The following CABP1 variants were observed in gnomAD, a reference collection of about 807,000 sequenced individuals.
CABP1 encodes calcium binding protein 1, also known as calcium-binding protein 1.
CABP1 carries 17 observed loss-of-function variants against 34.3 expected under a neutral mutation model. That is an observed-to-expected ratio of 0.50 (90% CI 0.34 to 0.74). CABP1 has a LOEUF of 0.74. Ranked by LOEUF, CABP1 falls within the 30% of genes least tolerant of loss-of-function variation. CABP1 has a pLI of 0.01. For synonymous variants in CABP1, 198 were observed against 229.2 expected (o/e 0.86, Z 1.23); for missense variants, 373 against 511.1 (o/e 0.73, Z 2.61).
intron 1 of CABP1, among the ~76,000 whole-genome samples, chr12:120,654,626 G>A (rs1252502250): frequency 6.6e-6 from 1 of 152,038 alleles, no homozygotes; most frequent in East Asian, 1.9e-4. Flanking sequence ...TTGAAGGAAG[G>A]TATGTAAGCT....
chr12:120,656,413 A>G, intron 1 of CABP1: 1 of 684,118 alleles, frequency 1.5e-6, no homozygotes, highest in Non-Finnish European at 2.3e-6. Flanking sequence ...TCATGGCTAC[A>G]AAGTGCTGGT....
At chr12:120,656,326 G>A (rs1880213585) in intron 1 of CABP1, 2 of 1,456,246 alleles carry the variant, frequency 1.4e-6, no homozygotes, top group South Asian at 2.8e-5. Flanking sequence ...AGGGCGTGAG[G>A]AGGTGCTGGG....
Position 120,640,721 on chromosome 12 carries a change from G to T in CABP1, c.36G>T (p.Pro12=). ...GCGACGGGGCCGCATTTAAGCGGCCGGGGGACGGCGCCCGCCTCCAGCGCG... is the reference window on the plus strand; with the variant it reads ...GCGACGGGGCCGCATTTAAGCGGCCTGGGGACGGCGCCCGCCTCCAGCGCG... The part of the protein sequence containing the change: ...GGGDGAAFKR[P]GDGARLQRVL... The change falls in exon 1 of 6, where the codon CCG becomes CCT. Residue 12 remains proline (P), a synonymous_variant. Transcript: ENST00000316803. This position sits in a 1 kb window ranked among gnomAD's most constrained non-coding sequence, Gnocchi z 6.2. 1 of 1,185,754 alleles carries T rather than the reference G, an allele frequency of 8.4e-7. No individual in the cohort carries two copies. Among genetic ancestry groups the T allele is most frequent in the South Asian group, 4.0e-5 (1 of 25,188 alleles). 73.5% of individuals were successfully genotyped at this position (1,185,754 alleles called of 1,614,324 possible).
At chr12:120,677,974 T>A in the CABP1 span, among the ~76,000 whole-genome samples, 2 of 152,090 alleles carry the variant, frequency 1.3e-5, no homozygotes, top group African/African-American at 4.8e-5. Flanking sequence ...CCCGGCCAGG[T>A]TTCTCAGTTC....
At chr12:120,670,177 G>A (rs1461480257), downstream of CABP1, among the ~76,000 whole-genome samples, 1 of 151,794 alleles carries the variant, frequency 6.6e-6, no homozygotes, top group African/African-American at 2.4e-5. Flanking sequence ...AATTTTTTTT[G>A]TAGAGACAGG....
chr12:120,643,976 T>C (rs1169795331), intron 1 of CABP1, among the ~76,000 whole-genome samples: 1 of 152,254 alleles, frequency 6.6e-6, no homozygotes, highest in Non-Finnish European at 1.5e-5. Context: ...GATGAATTCC[T>C]ACCTTAAAGG....
chr12:120,645,506 C>A (rs892679740), intron 1 of CABP1, among the ~76,000 whole-genome samples: 3 of 152,138 alleles, frequency 2.0e-5, no homozygotes, highest in African/African-American at 7.2e-5. Context: ...TCATCAACTC[C>A]CCCCAACCCC....
intron 1 of CABP1, among the ~76,000 whole-genome samples, chr12:120,647,559 C>A (rs1243642829): frequency 8.1e-6 from 1 of 122,898 alleles, no homozygotes; most frequent in African/African-American, 3.2e-5. Flanking sequence ...TCAGTCCAAG[C>A]CTTTTTTTTT....
At chr12:120,675,587 C>T in the CABP1 span, among the ~76,000 whole-genome samples, 1 of 152,220 alleles carries the variant, frequency 6.6e-6, no homozygotes, top group African/African-American at 2.4e-5. Context: ...GAAGTCACCA[C>T]CACAGCTCAT....
chr12:120,651,603 G>T (rs1879850823), intron 1 of CABP1, among the ~76,000 whole-genome samples: 1 of 152,148 alleles, frequency 6.6e-6, no homozygotes, highest in African/African-American at 2.4e-5. Flanking sequence ...ACATTCAGAG[G>T]GAGGGGTTAA....
Position 120,667,187 on chromosome 12 carries a change from GGT to G in CABP1, c.*289_*290del, listed in dbSNP as rs1881061418. On this transcript the variant is annotated 3_prime_UTR_variant, in exon 6 of 6. Coordinates refer to ENST00000316803, the MANE Select transcript of CABP1 (RefSeq NM_001033677.2). ...CCATGTGCCCAGCTGCTGCTGGCTGGGTGGGCCAGGGAGCCCGCCAGCAGACC... is the reference window on the plus strand; with the variant it reads ...CCATGTGCCCAGCTGCTGCTGGCTGGGGGCCAGGGAGCCCGCCAGCAGACC... 3.6e-6 allele frequency: 2 copies of G among 550,698 alleles called. No individual in the cohort carries two copies. The highest frequency in any genetic ancestry group is 6.1e-5 in the East Asian group (2 of 32,938). 34.1% of individuals were successfully genotyped at this position (550,698 alleles called of 1,614,324 possible). A position where few individuals can be genotyped will look rare whatever the true frequency, so the allele number is the denominator to read the frequency against.
At chr12:120,655,782 C>T in intron 1 of CABP1, 1 of 1,495,908 alleles carries the variant, frequency 6.7e-7, no homozygotes. Flanking sequence ...TCTCTTCATG[C>T]ACTTGGGTGT....
rs1395883155 is a variant in CABP1 at position 120,666,911 on chromosome 12, G to A, written c.*11G>A. 6.2e-7 allele frequency: 1 copy of A among 1,602,530 alleles called. No individual in the cohort carries two copies. Among genetic ancestry groups the A allele is most frequent in the Admixed American group, 1.7e-5 (1 of 59,296 alleles). On this transcript the variant is annotated 3_prime_UTR_variant, in exon 6 of 6. Transcript: ENST00000316803. ...ATGATGTCCCGCTGAGGCCGCGAGG[G>A]CCCCTCCAGGACTGCCAAGCTCCCA...
intron 1 of CABP1, chr12:120,655,808 T>G (rs910461316): frequency 6.6e-7 from 1 of 1,509,870 alleles, no homozygotes; most frequent in Admixed American, 2.0e-5. Context: ...TCTGTGCATA[T>G]GTATGTGCCA....
chr12:120,650,671 C>T, intron 1 of CABP1: 1 of 1,614,088 alleles, frequency 6.2e-7, no homozygotes, highest in Admixed American at 1.7e-5. Context: ...ACTGAGAAAT[C>T]TCTCAAGGAA....
chr12:120,658,675 G>A (rs1466904859), intron 1 of CABP1, among the ~76,000 whole-genome samples: 1 of 152,170 alleles, frequency 6.6e-6, no homozygotes, highest in African/African-American at 2.4e-5. Flanking sequence ...GGCCAGTTTG[G>A]AGTGGCTGTC....
the CABP1 span, among the ~76,000 whole-genome samples, chr12:120,680,145 C>T: frequency 6.6e-6 from 1 of 152,202 alleles, no homozygotes; most frequent in Non-Finnish European, 1.5e-5. Flanking sequence ...TGCACTCCAA[C>T]CTGGGCAACA....
Position 120,660,989 on chromosome 12 carries a change from T to C in CABP1, c.940-82T>C. 5 of 1,520,706 alleles carry C rather than the reference T, an allele frequency of 3.3e-6. No homozygotes were observed. The highest frequency in any genetic ancestry group is 4.5e-6 in the Non-Finnish European group (5 of 1,112,080). 94.2% of individuals were successfully genotyped at this position (1,520,706 alleles called of 1,614,324 possible). ...CTCTGGTAAAGGGGGGCAATGACAC[T>C]GGAGAAGGAGCTCAACTTTGGGATC... On this transcript the variant is annotated intron_variant, in intron 4 of 5. Coordinates refer to ENST00000316803, the MANE Select transcript of CABP1 (RefSeq NM_001033677.2). This position sits in a 1 kb window ranked among gnomAD's most constrained non-coding sequence, Gnocchi z 5.0.
rs999514465 is a variant in CABP1 at position 120,659,825 on chromosome 12, T to C, written c.655-53T>C. On this transcript the variant is annotated intron_variant, in intron 1 of 5. Coordinates refer to ENST00000316803, the MANE Select transcript of CABP1 (RefSeq NM_001033677.2). ...TGGATGGCCCCCAGGTTAGGTATTT[T>C]GTGACTTCCAGGTCCCTTGTCGCGG... 7 of 1,593,298 alleles carry C rather than the reference T, an allele frequency of 4.4e-6. No individual in the cohort carries two copies. In the African/African-American group the frequency reaches 9.4e-5, roughly 21 times the overall value.
Sources: gnomAD v4.1 joint callset for allele counts (sites outside exome capture counted in the v4.1 genomes callset) on GRCh38, gnomAD v4.1.1 for gene constraint, Gnocchi (gnomAD v3.1) non-coding constraint, MANE v1.5 for transcripts, NCBI Gene and HGNC (gene_info 2026-07-23, HGNC 2026-07-21) for gene names.